The following FIGNL2 variants were observed in gnomAD, a reference collection of about 807,000 sequenced individuals.
The protein encoded by FIGNL2 is fidgetin-like protein 2.
For synonymous variants in FIGNL2, 565 were observed against 484.0 expected (o/e 1.17, Z -2.20); for missense variants, 1,060 against 950.2 (o/e 1.12, Z -1.52).
chr12:51,830,944 G>A (rs888225451), intron 1 of FIGNL2, among the ~76,000 whole-genome samples: 9 of 152,042 alleles, frequency 5.9e-5, no homozygotes, highest in Admixed American at 3.3e-4. Context: ...ACATGCCACC[G>A]AGCTTGGCTA....
chr12:51,845,985 A>G (rs1400809234), intron 1 of FIGNL2, among the ~76,000 whole-genome samples: 1 of 152,100 alleles, frequency 6.6e-6, no homozygotes. Context: ...AGGGAAAGGG[A>G]GAGGAGGAGC....
At chr12:51,836,874 C>A (rs1026740444) in intron 1 of FIGNL2, among the ~76,000 whole-genome samples, 1 of 152,144 alleles carries the variant, frequency 6.6e-6, no homozygotes, top group Non-Finnish European at 1.5e-5. Flanking sequence ...GCCCCCTCCT[C>A]CCCTCACACA....
At chr12:51,830,244 G>C (rs1401842919) in intron 1 of FIGNL2, among the ~76,000 whole-genome samples, 3 of 150,504 alleles carry the variant, frequency 2.0e-5, no homozygotes. Context: ...AGCTGAGATC[G>C]CGCCACTGCA....
chr12:51,847,209 G>A (rs1464125501), intron 1 of FIGNL2: 1 of 985,306 alleles, frequency 1.0e-6, no homozygotes. Context: ...GGATTTCGGG[G>A]TAGGCTCCGG....
At chr12:51,830,724 C>T (rs949300075) in intron 1 of FIGNL2, among the ~76,000 whole-genome samples, 1 of 151,986 alleles carries the variant, frequency 6.6e-6, no homozygotes, top group Non-Finnish European at 1.5e-5. Context: ...AACTCCTGAC[C>T]TCATGATTCG....
At chr12:51,830,680 A>T (rs1428981667) in intron 1 of FIGNL2, among the ~76,000 whole-genome samples, 1 of 151,818 alleles carries the variant, frequency 6.6e-6, no homozygotes, top group Non-Finnish European at 1.5e-5. Flanking sequence ...TTTAGTAGAG[A>T]TGGGGTTTCA....
chr12:51,825,098 A>G (rs1939310166), intron 1 of FIGNL2, among the ~76,000 whole-genome samples: 1 of 149,268 alleles, frequency 6.7e-6, no homozygotes, highest in Non-Finnish European at 1.5e-5. Context: ...GTTACTATCC[A>G]GACCACAAAT....
Position 51,821,383 on chromosome 12 carries a change from G to T in FIGNL2, c.1031C>A (p.Pro344His). ...GSPVYGPQLE[P>H]FEKFPERAPA... Reference sequence around the variant, plus strand: ...GGCCCGCTCCGGGAACTTTTCAAAGGGCTCCAGTTGCGGGCCGTAGACGGG... The same window carrying T: ...GGCCCGCTCCGGGAACTTTTCAAAGTGCTCCAGTTGCGGGCCGTAGACGGG... The change falls in exon 2 of 2, where the codon CCC becomes CAC. Residue 344 changes from proline (P) to histidine (H), a missense_variant. Physicochemically the swap from Pro to His is moderately conservative, Grantham distance 77. Transcript: ENST00000618634. 1.3e-6 allele frequency: 2 copies of T among 1,515,726 alleles called. No homozygotes were observed. Among genetic ancestry groups the T allele is most frequent in the East Asian group, 5.2e-5 (2 of 38,366 alleles). The allele number at this position is 1,515,726 out of a possible 1,614,324, so 93.9% of individuals were successfully genotyped here.
intron 1 of FIGNL2, among the ~76,000 whole-genome samples, chr12:51,825,303 C>A (rs1939315273): frequency 6.6e-6 from 1 of 152,158 alleles, no homozygotes; most frequent in Non-Finnish European, 1.5e-5. Flanking sequence ...TGTCCACACA[C>A]ATCTTCCCCA....
chr12:51,847,748 A>C (rs1176670207), intron 1 of FIGNL2: 1 of 985,312 alleles, frequency 1.0e-6, no homozygotes, highest in African/African-American at 1.7e-5. Context: ...CAATCTGCGA[A>C]GGACCCTCTG....
intron 1 of FIGNL2, among the ~76,000 whole-genome samples, chr12:51,833,271 C>G (rs1939506102): frequency 6.6e-6 from 1 of 152,088 alleles, no homozygotes; most frequent in Non-Finnish European, 1.5e-5. Flanking sequence ...CCAGGCTGGT[C>G]TTGAGCTCCT....
intron 1 of FIGNL2, chr12:51,842,213 C>G (rs1180255226): frequency 6.6e-6 from 1 of 152,290 alleles, no homozygotes; most frequent in Non-Finnish European, 1.5e-5. Context: ...CCCCAAAACT[C>G]AGGCCTGAGG....
chr12:51,833,153 T>A (rs1474458791), intron 1 of FIGNL2, among the ~76,000 whole-genome samples: 1 of 152,072 alleles, frequency 6.6e-6, no homozygotes, highest in Non-Finnish European at 1.5e-5. Context: ...GCTCAAGCAG[T>A]CCTCCTACCT....
chr12:51,818,324 T>C lies in FIGNL2; in HGVS notation c.*2128A>G. On this transcript the variant is annotated 3_prime_UTR_variant, in exon 2 of 2. Transcript: ENST00000618634. ...ACTCCACCTCCCAGAGCTCCCTGCC[T>C]CTTGAAGGGAAGGCTGGGATCCCAC... The C allele has an allele frequency of 6.6e-6, 1 of 152,278 alleles. No individual in the cohort carries two copies. The allele number at this position is 152,278 out of a possible 1,614,324, so 9.4% of individuals were successfully genotyped here. A position where few individuals can be genotyped will look rare whatever the true frequency, so the allele number is the denominator to read the frequency against.
chr12:51,834,479 A>G (rs1248139183), intron 1 of FIGNL2, among the ~76,000 whole-genome samples: 1 of 152,190 alleles, frequency 6.6e-6, no homozygotes, highest in Admixed American at 6.5e-5. Context: ...CTCTGGACAC[A>G]TGGTAAAGAG....
At position 51,819,672 on chromosome 12, in the gene FIGNL2, A is replaced by T. The variant is rs1261771534; in HGVS notation, c.*780T>A. ...CAGCAAATTCTACACATTTTACAAA[A>T]ATAAGAAGACTAAAATATGAAACAA... is the stretch of plus-strand genomic sequence containing the variant. On this transcript the variant is annotated 3_prime_UTR_variant, in exon 2 of 2. Transcript: ENST00000618634. 6.6e-6 allele frequency: 1 copy of T among 152,608 alleles called. No homozygotes were observed. Among genetic ancestry groups the T allele is most frequent in the Non-Finnish European group, 1.5e-5 (1 of 68,060 alleles). The allele number at this position is 152,608 out of a possible 1,614,324, so 9.5% of individuals were successfully genotyped here.
intron 1 of FIGNL2, chr12:51,847,394 C>T: frequency 1.1e-5 from 11 of 985,496 alleles, no homozygotes; most frequent in Non-Finnish European, 1.3e-5. Flanking sequence ...CCACTCCTCG[C>T]TGCCGGGCGG....
At chr12:51,832,116 A>G (rs1199117120) in intron 1 of FIGNL2, among the ~76,000 whole-genome samples, 1 of 152,096 alleles carries the variant, frequency 6.6e-6, no homozygotes, top group Non-Finnish European at 1.5e-5. Context: ...TCCTGGATTT[A>G]AGCAATTCTC....
Position 51,822,414 on chromosome 12 carries a change from C to G in FIGNL2, c.-1G>C, listed in dbSNP as rs781299468. On this transcript the variant is annotated 5_prime_UTR_variant, in exon 2 of 2. Transcript: ENST00000618634. ...GGGCGTGTTCTGGTGTCCAGTGCAT[C>G]TTCAACAGAGCTGCGGGCAAGAGAC... 3.1e-6 allele frequency: 5 copies of G among 1,613,500 alleles called. No homozygotes were observed. The highest frequency in any genetic ancestry group is 1.7e-5 in the Admixed American group (1 of 59,940).
Sources: gnomAD v4.1 joint callset for allele counts (sites outside exome capture counted in the v4.1 genomes callset) on GRCh38, gnomAD v4.1.1 for gene constraint, MANE v1.5 for transcripts, NCBI Gene and HGNC (gene_info 2026-07-23, HGNC 2026-07-21) for gene names.